The following NTRK2 variants were observed in gnomAD, a reference collection of about 807,000 sequenced individuals.
NTRK2 encodes the protein neurotrophic receptor tyrosine kinase 2, also known as BDNF/NT-3 growth factors receptor.
Under a neutral mutation model 94.5 loss-of-function variants are expected in NTRK2, and 13 were observed. That is an observed-to-expected ratio of 0.14 (90% CI 0.09 to 0.22). The LOEUF (loss-of-function observed/expected upper bound fraction) is 0.22, where lower values mean the gene tolerates loss of function less well. Ranked by LOEUF, NTRK2 falls within the 10% of genes least tolerant of loss-of-function variation. The probability of loss-of-function intolerance (pLI) is 1.00; values close to 1 mark genes in which losing one functional copy is unlikely to be tolerated. For missense variants in NTRK2, 639 were observed against 1,071.2 expected (o/e 0.60, Z 5.63); for synonymous variants, 372 against 407.4 (o/e 0.91, Z 1.05).
At chr9:84,912,977 GTTTC>G (rs879686643) in intron 14 of NTRK2, among the ~76,000 whole-genome samples, 5 of 152,050 alleles carry the variant, frequency 3.3e-5, no homozygotes, top group African/African-American at 1.2e-4. Context: ...GTCAGGTCAT[GTTTC>G]TTAGTCCATT....
chr9:84,736,115 C>G (rs1382835640), intron 9 of NTRK2, among the ~76,000 whole-genome samples: 3 of 152,146 alleles, frequency 2.0e-5, no homozygotes, highest in African/African-American at 7.2e-5. Context: ...TGGAACAAAC[C>G]TAACCAGAGC....
intron 17 of NTRK2, among the ~76,000 whole-genome samples, chr9:84,989,232 T>C (rs2133300051): frequency 6.6e-6 from 1 of 152,356 alleles, no homozygotes; most frequent in African/African-American, 2.4e-5. Context: ...TGCCTTTTGT[T>C]TGAGGCACTA....
intron 10 of NTRK2, among the ~76,000 whole-genome samples, chr9:84,743,768 G>T (rs181545992): frequency 1.3e-5 from 2 of 152,162 alleles, no homozygotes; most frequent in Non-Finnish European, 2.9e-5. Context: ...TTTTGCAGAC[G>T]TAGTTGGCTA....
intron 12 of NTRK2, among the ~76,000 whole-genome samples, chr9:84,827,915 C>T (rs576748442): frequency 6.6e-6 from 1 of 152,292 alleles, no homozygotes; most frequent in African/African-American, 2.4e-5. Context: ...GAGCATTGCC[C>T]ATTTTTCCCT....
intron 17 of NTRK2, among the ~76,000 whole-genome samples, chr9:84,971,758 A>G (rs934698854): frequency 6.6e-6 from 1 of 152,248 alleles, no homozygotes; most frequent in Non-Finnish European, 1.5e-5. Flanking sequence ...GGGCTCTTAC[A>G]GAAGCTCAGT....
intron 17 of NTRK2, among the ~76,000 whole-genome samples, chr9:84,963,798 G>A (rs1357032295): frequency 6.6e-6 from 1 of 152,052 alleles, no homozygotes; most frequent in Non-Finnish European, 1.5e-5. Context: ...TGTTTTTTCT[G>A]TGTGTTTCAT....
At chr9:85,005,660 G>T (rs2133454036) in intron 17 of NTRK2, among the ~76,000 whole-genome samples, 1 of 152,260 alleles carries the variant, frequency 6.6e-6, no homozygotes, top group South Asian at 2.1e-4. Context: ...TGGACTGCTT[G>T]CTTTTGAAAC....
At position 84,707,963 on chromosome 9, in the gene NTRK2, G is replaced by A. The variant is rs568541269; in HGVS notation, c.428+51G>A. On this transcript the variant is annotated intron_variant, in intron 5 of 18. Transcript: ENST00000277120. ...TGGGGAAATGTTTTCAAAGGAAGGGGTAATTAAGTATTTTTCTTTTAATGA... is the reference window on the plus strand; with the variant it reads ...TGGGGAAATGTTTTCAAAGGAAGGGATAATTAAGTATTTTTCTTTTAATGA... 4.9e-6 allele frequency: 7 copies of A among 1,433,512 alleles called. No individual in the cohort carries two copies. In the East Asian group the frequency reaches 1.4e-4, roughly 28 times the overall value. 88.8% of individuals were successfully genotyped at this position (1,433,512 alleles called of 1,614,324 possible).
intron 14 of NTRK2, among the ~76,000 whole-genome samples, chr9:84,887,596 G>A (rs1336479758): frequency 2.6e-5 from 4 of 152,186 alleles, no homozygotes; most frequent in Admixed American, 2.6e-4. Context: ...ACTATGCTAA[G>A]CTGTAGTAAG....
In NTRK2 at chr9:85,021,412, C is replaced by T. The variant is rs770827440; in HGVS notation, c.2492C>T (p.Pro831Leu). ...CTTCAGAACTTGGCCAAGGCATCTC[C>T]GGTCTACCTGGACATTCTAGGCTAG... ...TLLQNLAKAS[P>L]VYLDILG The change falls in exon 19 of 19, where the codon CCG becomes CTG. Residue 831 changes from proline (P) to leucine (L), a missense_variant. By Grantham distance (98) the Pro-to-Leu change is moderately conservative (BLOSUM62 -3). Around this residue, in one of 5 missense-constraint regions of NTRK2, gnomAD observed 77 missense variants for 203.6 expected, o/e 0.38. Coordinates refer to ENST00000277120, the MANE Select transcript of NTRK2 (RefSeq NM_006180.6). 6.8e-6 allele frequency: 11 copies of T among 1,614,154 alleles called. No homozygotes were observed. Among genetic ancestry groups the T allele is most frequent in the Admixed American group, 1.7e-5 (1 of 60,026 alleles).
At chr9:84,778,259 T>C (rs889473974) in intron 12 of NTRK2, among the ~76,000 whole-genome samples, 4 of 152,132 alleles carry the variant, frequency 2.6e-5, no homozygotes, top group Non-Finnish European at 5.9e-5. Context: ...TAAGACCCTG[T>C]CTAAATAAAC....
At position 84,724,297 on chromosome 9, in the gene NTRK2, C is replaced by T. The variant is rs1564130459; in HGVS notation, c.794C>T (p.Ser265Phe). Residue 265 changes from serine (S) to phenylalanine (F), a missense_variant, in exon 8 of 19, where the codon TCT becomes TTT. Transcript: ENST00000277120. ...TCCGATGACAGTGGGAAGCAGATCT[C>T]TTGTGTGGCGGAAAATCTTGTAGGA... ...ISSDDSGKQI[S>F]CVAENLVGED... The T allele has an allele frequency of 6.2e-7, 1 of 1,614,126 alleles. No individual in the cohort carries two copies. Among genetic ancestry groups the T allele is most frequent in the Admixed American group, 1.7e-5 (1 of 60,024 alleles).
At chr9:85,012,559 C>T (rs1399528007) in intron 17 of NTRK2, among the ~76,000 whole-genome samples, 2 of 152,156 alleles carry the variant, frequency 1.3e-5, no homozygotes, top group African/African-American at 4.8e-5. Flanking sequence ...CAAAGAAAGA[C>T]ATTTTTCTAA....
chr9:84,745,021 A>G lies in NTRK2; in HGVS notation c.1244A>G (p.Asn415Ser). The G allele has an allele frequency of 6.2e-7, 1 of 1,613,918 alleles. No homozygotes were observed. Among genetic ancestry groups the G allele is most frequent in the Non-Finnish European group, 8.5e-7 (1 of 1,180,002 alleles). The change falls in exon 11 of 19, where the codon AAT becomes AGT. Residue 415 changes from asparagine to serine, a missense_variant. This residue lies in a region of NTRK2 where 343 missense variants were observed against 571.5 expected (regional missense o/e 0.60). Transcript: ENST00000277120. The part of the protein sequence containing the change: ...NDIGDTTNRS[N>S]EIPSTDVTDK... ...ATCGGGGACACCACGAACAGAAGTAATGAAATCCCTTCCACAGACGTCACT... is the reference window on the plus strand; with the variant it reads ...ATCGGGGACACCACGAACAGAAGTAGTGAAATCCCTTCCACAGACGTCACT...
chr9:84,811,263 G>T (rs553057343), intron 12 of NTRK2: 4 of 1,064,886 alleles, frequency 3.8e-6, no homozygotes, highest in East Asian at 1.0e-4. Flanking sequence ...TTGTCTTAAA[G>T]TTCCTTAGCC....
chr9:84,914,783 T>C (rs1307900818), intron 14 of NTRK2, among the ~76,000 whole-genome samples: 1 of 152,202 alleles, frequency 6.6e-6, no homozygotes, highest in East Asian at 1.9e-4. Flanking sequence ...AAGCTCCAAT[T>C]TGGGGACATA....
intron 14 of NTRK2, among the ~76,000 whole-genome samples, chr9:84,879,218 C>A (rs1455367808): frequency 6.6e-6 from 1 of 151,914 alleles, no homozygotes; most frequent in Non-Finnish European, 1.5e-5. Context: ...GAGATAGATT[C>A]TTTGGAAAAG....
chr9:84,851,228 A>G (rs2074751293), intron 12 of NTRK2, among the ~76,000 whole-genome samples: 1 of 152,112 alleles, frequency 6.6e-6, no homozygotes, highest in Admixed American at 6.5e-5. Flanking sequence ...CTAGGCAATC[A>G]ATTTTGATTA....
chr9:85,008,679 C>T (rs1564546573), intron 17 of NTRK2, among the ~76,000 whole-genome samples: 1 of 152,114 alleles, frequency 6.6e-6, no homozygotes, highest in African/African-American at 2.4e-5. Flanking sequence ...CATGGAAAGT[C>T]GTTGTAATCA....
Sources: gnomAD v4.1 joint callset for allele counts (sites outside exome capture counted in the v4.1 genomes callset) on GRCh38, gnomAD v4.1.1 for gene constraint, gnomAD v4.1.1 regional missense constraint, MANE v1.5 for transcripts, NCBI Gene and HGNC (gene_info 2026-07-23, HGNC 2026-07-21) for gene names.